Variants in BTBD8 observed in about 807,000 individuals in gnomAD.
BTBD8 encodes BTB domain containing 8, also known as BTB/POZ domain-containing protein 8.
A neutral mutation model predicts 162.9 loss-of-function variants in BTBD8; 110 were observed. The observed-to-expected ratio is 0.68, with a 90% CI of 0.58 to 0.79. The LOEUF (loss-of-function observed/expected upper bound fraction) is 0.79. Among genes scored for constraint, BTBD8 ranks in the 30% least tolerant of loss-of-function variants. The pLI is 0.00. For missense variants in BTBD8, 1,905 were observed against 2,085.4 expected (o/e 0.91, Z 1.68); for synonymous variants, 667 against 716.1 (o/e 0.93, Z 1.10).
At position 92,182,169 on chromosome 1, in the gene BTBD8, A is replaced by G. The variant is rs1238680895; in HGVS notation, c.4486A>G (p.Ile1496Val). The change falls in exon 17 of 18, where the codon ATT becomes GTT. Residue 1496 changes from isoleucine to valine, a missense_variant. Ile to Val is a conservative substitution (Grantham distance 29). Coordinates refer to ENST00000636805, the MANE Select transcript of BTBD8 (RefSeq NM_001376131.1). ...ATTCTCACGAGAAAGTGAAGATAAT[A>G]TTTTAGAATGTAAACAAAATAAAGG... ...SRFSRESEDN[I>V]LECKQNKGNS... is the part of the protein sequence containing the mutation. The G allele has an allele frequency of 3.2e-6, 5 of 1,551,048 alleles. No homozygotes were observed. Among genetic ancestry groups the G allele is most frequent in the South Asian group, 2.4e-5 (2 of 84,028 alleles).
At chr1:92,166,476 G>C (rs1035282890) in intron 9 of BTBD8, among the ~76,000 whole-genome samples, 1 of 142,912 alleles carries the variant, frequency 7.0e-6, no homozygotes, top group African/African-American at 2.6e-5. Context: ...CCAGGCCGGA[G>C]TGCAGTGGTG....
intron 3 of BTBD8, among the ~76,000 whole-genome samples, chr1:92,107,484 A>G (rs1030060987): frequency 1.3e-5 from 2 of 152,214 alleles, no homozygotes; most frequent in Non-Finnish European, 2.9e-5. Flanking sequence ...CATTGCAGTA[A>G]CATGCGGTAC....
chr1:92,160,978 A>G (rs1373009476), intron 9 of BTBD8, among the ~76,000 whole-genome samples: 2 of 152,170 alleles, frequency 1.3e-5, no homozygotes, highest in Non-Finnish European at 2.9e-5. Flanking sequence ...TGTTTGACAT[A>G]TGGTCTAACT....
chr1:92,160,404 C>A (rs1035034340), intron 9 of BTBD8, among the ~76,000 whole-genome samples: 3 of 151,928 alleles, frequency 2.0e-5, no homozygotes, highest in African/African-American at 7.3e-5. Context: ...TTTCTTTGTT[C>A]ATTTTCCTTG....
intron 2 of BTBD8, among the ~76,000 whole-genome samples, chr1:92,100,852 G>A (rs574980140): frequency 2.0e-5 from 3 of 152,160 alleles, no homozygotes; most frequent in South Asian, 2.1e-4. Flanking sequence ...CTCGTGATTC[G>A]TTTGCCTCGG....
At chr1:92,125,066 A>G (rs955047682) in intron 4 of BTBD8, among the ~76,000 whole-genome samples, 1 of 152,180 alleles carries the variant, frequency 6.6e-6, no homozygotes, top group Non-Finnish European at 1.5e-5. Flanking sequence ...TTAAAGTAAC[A>G]TCTTTGGTCT....
intron 4 of BTBD8, among the ~76,000 whole-genome samples, chr1:92,113,678 G>C (rs947088939): frequency 6.6e-6 from 1 of 150,540 alleles, no homozygotes; most frequent in Non-Finnish European, 1.5e-5. Flanking sequence ...ATAAATTTCC[G>C]AGTGCTGTAG....
chr1:92,124,522 A>T (rs1028756456), intron 4 of BTBD8, among the ~76,000 whole-genome samples: 1 of 152,252 alleles, frequency 6.6e-6, no homozygotes, highest in Non-Finnish European at 1.5e-5. Flanking sequence ...TTGAGGCTGC[A>T]GTGGGCTATG....
chr1:92,154,866 GC>G (rs1650123859), intron 9 of BTBD8, among the ~76,000 whole-genome samples: 1 of 152,160 alleles, frequency 6.6e-6, no homozygotes, highest in Admixed American at 6.5e-5. Flanking sequence ...ATGTCATGAA[GC>G]TTTCTTCTAG....
rs34496421 is a variant in BTBD8 at position 92,132,315 on chromosome 1, CT to C, written c.752+2551del. ...ATATGAATAAAGGCAAGGGGGTGTC[CT>C]TTTTTTTTTTTCAGTCTTCCTTAAT... On this transcript the variant is annotated intron_variant, in intron 5 of 17. Transcript: ENST00000636805. 5.7e-3 allele frequency among the ~76,000 whole-genome samples: 814 copies of C among 141,708 alleles called. 6 individuals carry two copies. The highest frequency in any genetic ancestry group is 0.014 in the African/African-American group (562 of 38,900). 93.0% of individuals were successfully genotyped at this position (141,708 alleles called of 152,430 possible). A position where few individuals can be genotyped will look rare whatever the true frequency, so the allele number is the denominator to read the frequency against.
Position 92,080,473 on chromosome 1 carries a change from A to G in BTBD8, c.-99A>G. 6.5e-7 allele frequency: 1 copy of G among 1,535,006 alleles called. No homozygotes were observed. Among genetic ancestry groups the G allele is most frequent in the Non-Finnish European group, 8.7e-7 (1 of 1,143,840 alleles). On this transcript the variant is annotated 5_prime_UTR_variant, in exon 1 of 18. Transcript: ENST00000636805. ...TTTACCCTAGGGGGCGGATTTGGGT[A>G]GGAGCCGAGCGTTCGGTCGGAAACG...
chr1:92,164,483 G>A (rs1372485773), intron 9 of BTBD8, among the ~76,000 whole-genome samples: 1 of 152,054 alleles, frequency 6.6e-6, no homozygotes, highest in Non-Finnish European at 1.5e-5. Context: ...GCTGGGCATG[G>A]TGGCGTGCAC....
In BTBD8 at chr1:92,180,721, A is replaced by G; in HGVS notation, c.3038A>G (p.Gln1013Arg). ...ALQSSCRPDPQKPLNDQEKEK... is the reference protein window; with the variant it reads ...ALQSSCRPDPRKPLNDQEKEK... ...CAGTCATCCTGCAGGCCTGACCCAC[A>G]AAAGCCATTAAACGATCAAGAAAAA... Residue 1013 changes from glutamine to arginine, a missense_variant, in exon 17 of 18, where the codon CAA becomes CGA. Transcript: ENST00000636805. 1 of 1,551,748 alleles carries G rather than the reference A, an allele frequency of 6.4e-7. No homozygotes were observed. Among genetic ancestry groups the G allele is most frequent in the South Asian group, 1.2e-5 (1 of 84,056 alleles).
chr1:92,142,971 T>C (rs1649812523), intron 7 of BTBD8, among the ~76,000 whole-genome samples: 1 of 152,168 alleles, frequency 6.6e-6, no homozygotes. Context: ...CATGCTCTAC[T>C]CTCTATTTCA....
At chr1:92,107,844 A>T in intron 3 of BTBD8, 40 bp from the exon 4 acceptor site, 1 of 1,515,764 alleles carries the variant, frequency 6.6e-7, no homozygotes, top group Non-Finnish European at 8.9e-7. Flanking sequence ...GACGTTTGTA[A>T]TATTAAACTA....
At position 92,181,884 on chromosome 1, in the gene BTBD8, ATATC is replaced by A; in HGVS notation, c.4204_4207del (p.Ser1402ThrfsTer10). 6.4e-7 allele frequency: 1 copy of A among 1,551,280 alleles called. No homozygotes were observed. ...TGAAAACGTTGCAGAAAATTTCTCT[ATATC>A]TAACCCAGCTCCTCAGCAGTTTCAG... On this transcript the variant is annotated frameshift_variant, in exon 17 of 18. Transcript: ENST00000636805. LOFTEE classifies it high-confidence loss of function.
At chr1:92,136,441 C>T (rs1168696094) in intron 5 of BTBD8, among the ~76,000 whole-genome samples, 2 of 150,970 alleles carry the variant, frequency 1.3e-5, no homozygotes, top group African/African-American at 2.4e-5. Flanking sequence ...ATATTAGGTA[C>T]TATGCTTAAC....
At chr1:92,113,647 T>TCTCCCCAAGTGCTAG in intron 4 of BTBD8, among the ~76,000 whole-genome samples, 1 of 152,122 alleles carries the variant, frequency 6.6e-6, no homozygotes, top group African/African-American at 2.4e-5. Flanking sequence ...TCTGGTGAGA[T>TCTCCCCAAGTGCTAG]GACCTTGTGA....
At chr1:92,176,353 T>C (rs572862911) in intron 13 of BTBD8, among the ~76,000 whole-genome samples, 22 of 152,308 alleles carry the variant, frequency 1.4e-4, no homozygotes, top group African/African-American at 5.1e-4. Context: ...ACATACCTAC[T>C]TTAATCCTCA....
Sources: allele counts gnomAD v4.1 joint callset (sites outside exome capture counted in the v4.1 genomes callset), GRCh38; gene constraint gnomAD v4.1.1; transcripts MANE v1.5; gene names NCBI Gene and HGNC (gene_info 2026-07-23, HGNC 2026-07-21).